The following PRKN variants were observed in gnomAD, a reference collection of about 807,000 sequenced individuals.
The protein encoded by PRKN is E3 ubiquitin-protein ligase parkin.
In PRKN, 56 loss-of-function variants were observed where a neutral mutation model predicts 59.5. The observed-to-expected ratio is 0.94, with a 90% CI of 0.76 to 1.18. The LOEUF is 1.18. Ranked by LOEUF, PRKN falls within the 50% of genes most tolerant of loss-of-function variation. The pLI, the probability that PRKN is intolerant of heterozygous loss-of-function variation, is 0.00. For synonymous variants in PRKN, 250 were observed against 222.1 expected (o/e 1.13, Z -1.12); for missense variants, 657 against 596.4 (o/e 1.10, Z -1.06).
At chr6:162,428,433 A>G (rs140998864) in intron 2 of PRKN, among the ~76,000 whole-genome samples, 259 of 151,556 alleles carry the variant, frequency 1.7e-3, no homozygotes, top group African/African-American at 5.3e-3. Flanking sequence ...ACAGACAGAT[A>G]AACAAACTTC....
intron 2 of PRKN, among the ~76,000 whole-genome samples, chr6:162,345,751 T>A (rs1300765086): frequency 6.6e-6 from 1 of 152,228 alleles, no homozygotes; most frequent in African/African-American, 2.4e-5. Flanking sequence ...TGACTTATCG[T>A]TATATTCTTT....
chr6:162,629,213 T>C (rs1239590678), intron 1 of PRKN, among the ~76,000 whole-genome samples: 5 of 152,164 alleles, frequency 3.3e-5, no homozygotes, highest in African/African-American at 9.6e-5. Flanking sequence ...TAGTTATTTA[T>C]AGACTAGAAT....
intron 6 of PRKN, among the ~76,000 whole-genome samples, chr6:161,848,352 C>T (rs1405442041): frequency 6.6e-6 from 1 of 151,772 alleles, no homozygotes; most frequent in Non-Finnish European, 1.5e-5. Context: ...GATATAGCAT[C>T]AAAAAAAGGC....
At chr6:161,687,750 C>T (rs953820771) in intron 7 of PRKN, among the ~76,000 whole-genome samples, 4 of 152,016 alleles carry the variant, frequency 2.6e-5, no homozygotes, top group Non-Finnish European at 5.9e-5. Flanking sequence ...GCCACCGCGC[C>T]GGGCCAAGAT....
At chr6:161,577,446 T>C (rs1284559199) in intron 7 of PRKN, among the ~76,000 whole-genome samples, 1 of 152,196 alleles carries the variant, frequency 6.6e-6, no homozygotes, top group African/African-American at 2.4e-5. Context: ...CAATAACGTA[T>C]AGACCTGAGT....
intron 7 of PRKN, among the ~76,000 whole-genome samples, chr6:161,706,596 C>CT (rs35739265): frequency 0.43 from 65,138 of 151,212 alleles, 14,313 homozygotes; most frequent in Admixed American, 0.6. Context: ...TTCCAGGTGA[C>CT]TTTTTTTTTA....
chr6:162,546,813 T>C (rs557640811), intron 1 of PRKN, among the ~76,000 whole-genome samples: 76 of 152,106 alleles, frequency 5.0e-4, no homozygotes, highest in Non-Finnish European at 2.1e-4. Flanking sequence ...ACACGCCTAA[T>C]TGAAAGACAG....
chr6:162,335,774 G>A (rs1004624842), intron 2 of PRKN, among the ~76,000 whole-genome samples: 2 of 151,872 alleles, frequency 1.3e-5, no homozygotes, highest in Admixed American at 6.6e-5. Flanking sequence ...TCAAGGCCAG[G>A]CCTGCCATTC....
chr6:162,575,477 C>T (rs184209897), intron 1 of PRKN, among the ~76,000 whole-genome samples: 21 of 152,268 alleles, frequency 1.4e-4, no homozygotes, highest in African/African-American at 3.4e-4. Flanking sequence ...GAGCACATGC[C>T]GCTTTTCCTC....
intron 7 of PRKN, among the ~76,000 whole-genome samples, chr6:161,707,956 T>C (rs1786577202): frequency 1.3e-5 from 2 of 152,150 alleles, no homozygotes; most frequent in African/African-American, 2.4e-5. Context: ...CTAAAAATGA[T>C]CTAAATATTC....
intron 1 of PRKN, among the ~76,000 whole-genome samples, chr6:162,549,642 T>C (rs1232664816): frequency 4.3e-5 from 1 of 23,034 alleles, no homozygotes; most frequent in Non-Finnish European, 1.0e-4. Context: ...CGATAATCTT[T>C]TTTTTTTTTT....
chr6:162,720,499 G>A (rs1039386389), intron 1 of PRKN, among the ~76,000 whole-genome samples: 6 of 136,420 alleles, frequency 4.4e-5, no homozygotes, highest in Admixed American at 3.3e-4. Context: ...GCCGGACTGC[G>A]GACTGCAGTG....
At chr6:162,181,689 T>G (rs1783810887) in intron 4 of PRKN, among the ~76,000 whole-genome samples, 1 of 152,082 alleles carries the variant, frequency 6.6e-6, no homozygotes, top group South Asian at 2.1e-4. Flanking sequence ...CTAAGAATCA[T>G]AAGTAGGAAT....
At chr6:162,519,516 T>C (rs1778002906) in intron 1 of PRKN, among the ~76,000 whole-genome samples, 2 of 152,156 alleles carry the variant, frequency 1.3e-5, no homozygotes, top group Admixed American at 6.5e-5. Context: ...GATGAAGTGA[T>C]AATGTATTAT....
intron 6 of PRKN, among the ~76,000 whole-genome samples, chr6:161,856,066 C>T (rs1191932638): frequency 6.6e-6 from 1 of 152,134 alleles, no homozygotes; most frequent in Non-Finnish European, 1.5e-5. Context: ...CTCCAGATTA[C>T]GATCAAAGAT....
intron 4 of PRKN, among the ~76,000 whole-genome samples, chr6:162,129,465 T>C (rs191351778): frequency 1.3e-5 from 2 of 152,268 alleles, no homozygotes; most frequent in East Asian, 3.9e-4. Flanking sequence ...AGGAGAAACA[T>C]GCATGGAATA....
intron 4 of PRKN, among the ~76,000 whole-genome samples, chr6:162,161,015 C>G (rs1028008846): frequency 2.0e-5 from 3 of 151,804 alleles, no homozygotes; most frequent in African/African-American, 7.3e-5. Flanking sequence ...TCCTTCCTGT[C>G]TATAGGCAAG....
At chr6:162,509,624 A>T (rs1562342558) in intron 1 of PRKN, among the ~76,000 whole-genome samples, 1 of 152,220 alleles carries the variant, frequency 6.6e-6, no homozygotes, top group Non-Finnish European at 1.5e-5. Context: ...ACAATAGTCA[A>T]ATACCATCCT....
intron 3 of PRKN, among the ~76,000 whole-genome samples, chr6:162,241,797 G>A (rs2128091859): frequency 6.6e-6 from 1 of 152,124 alleles, no homozygotes; most frequent in South Asian, 2.1e-4. Context: ...GAAACTCAGT[G>A]TTTTCTCAAT....
Sources: allele counts gnomAD v4.1 joint callset (sites outside exome capture counted in the v4.1 genomes callset), GRCh38; gene constraint gnomAD v4.1.1; transcripts MANE v1.5; gene names NCBI Gene and HGNC (gene_info 2026-07-23, HGNC 2026-07-21).